Variants in NUP210L observed in about 807,000 individuals in gnomAD.
The protein encoded by NUP210L is nucleoporin 210 like, also known as nuclear pore membrane glycoprotein 210-like.
NUP210L carries 74 observed loss-of-function variants against 208.5 expected under a neutral mutation model. The ratio of observed to expected loss-of-function variants is 0.35; its 90% CI spans 0.29 to 0.43. The LOEUF (loss-of-function observed/expected upper bound fraction) is 0.43. Ranked by LOEUF, NUP210L falls within the 20% of genes least tolerant of loss-of-function variation. NUP210L has a pLI of 1.00. For synonymous variants in NUP210L, 780 were observed against 816.9 expected (o/e 0.95, Z 0.77); for missense variants, 1,843 against 2,289.4 (o/e 0.81, Z 3.98).
chr1:154,015,471 A>G (rs571691755), intron 33 of NUP210L, among the ~76,000 whole-genome samples: 1 of 152,180 alleles, frequency 6.6e-6, no homozygotes, highest in East Asian at 1.9e-4. Context: ...CTGTAATCTC[A>G]GCACTTTGGG....
rs185125854 is a variant in NUP210L at position 154,153,758 on chromosome 1, T to C, written c.204-886A>G. Among the ~76,000 whole-genome samples, 83 of 152,322 alleles carry C rather than the reference T, an allele frequency of 5.4e-4. 1 individual carries two copies. Among genetic ancestry groups the C allele is most frequent in the African/African-American group, 1.9e-3 (78 of 41,566 alleles). ...ACCATGCCTGGCCTCATTAATATTT[T>C]TGGAGTGATAGAAGAAATGGCTTTC... On this transcript the variant is annotated intron_variant, in intron 1 of 39. Transcript: ENST00000368559.
chr1:154,117,651 T>A (rs186907359), intron 12 of NUP210L, 74 bp downstream of exon 12: 4 of 1,187,630 alleles, frequency 3.4e-6, no homozygotes, highest in Non-Finnish European at 4.7e-6. Flanking sequence ...GGCTCTTTTT[T>A]TAAAGTGTGT....
At chr1:154,140,909 G>C (rs1279669516) in intron 4 of NUP210L, among the ~76,000 whole-genome samples, 1 of 150,568 alleles carries the variant, frequency 6.6e-6, no homozygotes, top group Non-Finnish European at 1.5e-5. Flanking sequence ...CAGGAGAATG[G>C]CGTGAACCCG....
intron 19 of NUP210L, 127 bp downstream of exon 19, chr1:154,060,815 T>C (rs774397530): frequency 1.0e-4 from 77 of 750,952 alleles, no homozygotes; most frequent in Non-Finnish European, 1.7e-4. Flanking sequence ...AACTATTATA[T>C]ATGTGTTTTA....
chr1:154,053,337 A>G (rs929530376), intron 25 of NUP210L, among the ~76,000 whole-genome samples: 1 of 152,248 alleles, frequency 6.6e-6, no homozygotes, highest in Non-Finnish European at 1.5e-5. Flanking sequence ...CTGCAGATGC[A>G]GATCCTGACT....
At chr1:154,076,922 T>C (rs1442473955) in intron 16 of NUP210L, among the ~76,000 whole-genome samples, 1 of 152,132 alleles carries the variant, frequency 6.6e-6, no homozygotes. Flanking sequence ...GATCTACATC[T>C]AGACACATCA....
At chr1:154,151,811 G>A (rs531929615) in intron 2 of NUP210L, among the ~76,000 whole-genome samples, 3 of 152,038 alleles carry the variant, frequency 2.0e-5, no homozygotes, top group Admixed American at 6.5e-5. Context: ...AATGCTGTCC[G>A]GGCACGGTGG....
chr1:154,121,054 C>T (rs1277079950), intron 10 of NUP210L, among the ~76,000 whole-genome samples: 2 of 152,066 alleles, frequency 1.3e-5, no homozygotes, highest in Non-Finnish European at 2.9e-5. Context: ...TTTTAGATCT[C>T]TTATGGGGAT....
At chr1:153,993,641 G>T (rs544745375) in intron 38 of NUP210L, among the ~76,000 whole-genome samples, 30 of 151,524 alleles carry the variant, frequency 2.0e-4, no homozygotes, top group African/African-American at 7.3e-4. Flanking sequence ...GGCTGTGTGT[G>T]GTGGCTCACG....
intron 15 of NUP210L, among the ~76,000 whole-genome samples, chr1:154,094,009 C>T (rs1281165782): frequency 6.6e-6 from 1 of 152,000 alleles, no homozygotes; most frequent in Admixed American, 6.6e-5. Flanking sequence ...AATGGCTGGG[C>T]ATGGTTGCTC....
intron 16 of NUP210L, among the ~76,000 whole-genome samples, chr1:154,088,386 A>T (rs1256768756): frequency 6.6e-6 from 1 of 152,088 alleles, no homozygotes; most frequent in Non-Finnish European, 1.5e-5. Context: ...ATGGAGAATC[A>T]TGTCTGTAAC....
At chr1:154,126,326 G>A (rs1557995948) in exon 10 of NUP210L, 1 of 1,609,236 alleles carries the variant, frequency 6.2e-7, no homozygotes, top group Non-Finnish European at 8.5e-7. Context: ...TTCCTACCTG[G>A]TAAATGATGG....
intron 37 of NUP210L, among the ~76,000 whole-genome samples, chr1:153,996,372 A>C (rs755336202): frequency 6.6e-6 from 1 of 152,116 alleles, no homozygotes; most frequent in Non-Finnish European, 1.5e-5. Flanking sequence ...CCCTTCACTA[A>C]ACTTGTGATA....
Position 154,023,314 on chromosome 1 carries a change from C to T in NUP210L, c.4123-17G>A, listed in dbSNP as rs1160932180. ...CGGTGCTACCTGTGGGAGACAAAACCTACTGGTACAGAGAAAGATGCACTG... is the reference window on the plus strand; with the variant it reads ...CGGTGCTACCTGTGGGAGACAAAACTTACTGGTACAGAGAAAGATGCACTG... On this transcript the variant is annotated splice_polypyrimidine_tract_variant and intron_variant, in intron 30 of 39. Transcript: ENST00000368559. 1.3e-6 allele frequency: 2 copies of T among 1,590,642 alleles called. No individual in the cohort carries two copies. Among genetic ancestry groups the T allele is most frequent in the African/African-American group, 2.7e-5 (2 of 74,046 alleles).
intron 6 of NUP210L, among the ~76,000 whole-genome samples, chr1:154,137,048 C>A (rs2148135971): frequency 6.6e-6 from 1 of 152,146 alleles, no homozygotes; most frequent in East Asian, 1.9e-4. Flanking sequence ...ATTCAGGTCC[C>A]TTCTGGTAAA....
chr1:154,008,331 T>C (rs1480534701), intron 35 of NUP210L, among the ~76,000 whole-genome samples: 1 of 152,170 alleles, frequency 6.6e-6, no homozygotes, highest in East Asian at 1.9e-4. Flanking sequence ...GGTGGATCAC[T>C]TGAGGCTAAG....
At chr1:154,041,687 T>G (rs1330977211) in intron 27 of NUP210L, among the ~76,000 whole-genome samples, 1 of 151,638 alleles carries the variant, frequency 6.6e-6, no homozygotes, top group Non-Finnish European at 1.5e-5. Context: ...TGGCTGACCA[T>G]CTTCCCACTT....
At chr1:154,135,029 C>T (rs112076906) in intron 7 of NUP210L, among the ~76,000 whole-genome samples, 1 of 152,222 alleles carries the variant, frequency 6.6e-6, no homozygotes, top group African/African-American at 2.4e-5. Context: ...TGAGCCACCA[C>T]GCCCGGCCTC....
At position 154,093,931 on chromosome 1, in the gene NUP210L, A is replaced by G. The variant is rs187048818; in HGVS notation, c.2187+1004T>C. 1.5e-3 allele frequency among the ~76,000 whole-genome samples: 225 copies of G among 152,278 alleles called. 1 individual carries two copies. Among genetic ancestry groups the G allele is most frequent in the Admixed American group, 7.8e-3 (119 of 15,274 alleles). ...TTTGGGAGGCCAAGGTGGGTGGATC[A>G]CTTGATTCCAGCAACTTGAGACCAG... On this transcript the variant is annotated intron_variant, in intron 15 of 39. Coordinates refer to ENST00000368559, the Ensembl canonical transcript of NUP210L.
Sources: gnomAD v4.1 joint callset for allele counts (sites outside exome capture counted in the v4.1 genomes callset) on GRCh38, gnomAD v4.1.1 for gene constraint, MANE v1.5 for transcripts, NCBI Gene and HGNC (gene_info 2026-07-23, HGNC 2026-07-21) for gene names.